The following CERS6 variants were observed in gnomAD, a reference collection of about 807,000 sequenced individuals.
CERS6 encodes LAG1 homolog, ceramide synthase 6.
CERS6 carries 26 observed loss-of-function variants against 56.8 expected under a neutral mutation model. The observed-to-expected ratio is 0.46, with a 90% CI of 0.34 to 0.63. The LOEUF (loss-of-function observed/expected upper bound fraction) is 0.63. Ranked by LOEUF, CERS6 falls within the 30% of genes least tolerant of loss-of-function variation. The pLI, the probability that CERS6 is intolerant of heterozygous loss-of-function variation, is 0.01. For missense variants in CERS6, 415 were observed against 467.5 expected (o/e 0.89, Z 1.04); for synonymous variants, 164 against 173.3 (o/e 0.95, Z 0.42).
At chr2:168,669,829 T>C (rs113793809) in intron 4 of CERS6, among the ~76,000 whole-genome samples, 1,545 of 152,310 alleles carry the variant, frequency 0.01, 8 homozygotes, top group Non-Finnish European at 0.018. Flanking sequence ...TATCTTAACA[T>C]ACACGACTGT....
intron 4 of CERS6, among the ~76,000 whole-genome samples, chr2:168,637,655 A>C: frequency 6.6e-6 from 1 of 152,200 alleles, no homozygotes; most frequent in East Asian, 1.9e-4. Context: ...TCATATTAGA[A>C]GAATATTTTA....
intron 7 of CERS6, among the ~76,000 whole-genome samples, chr2:168,717,555 A>C (rs920241764): frequency 6.6e-6 from 1 of 152,200 alleles, no homozygotes; most frequent in African/African-American, 2.4e-5. Context: ...CTATGATGCA[A>C]GAATCTCTTA....
intron 4 of CERS6, among the ~76,000 whole-genome samples, chr2:168,642,499 T>A (rs1685073893): frequency 6.6e-6 from 1 of 152,216 alleles, no homozygotes. Context: ...CTGTGGTGGC[T>A]GATATCCAGG....
intron 3 of CERS6, among the ~76,000 whole-genome samples, chr2:168,585,895 A>G (rs1287764958): frequency 6.6e-6 from 1 of 152,190 alleles, no homozygotes; most frequent in Admixed American, 6.5e-5. Context: ...CAAATGTTGC[A>G]CAACTAGGGA....
At chr2:168,697,799 C>G (rs1290205266) in intron 6 of CERS6, among the ~76,000 whole-genome samples, 1 of 152,136 alleles carries the variant, frequency 6.6e-6, no homozygotes, top group Non-Finnish European at 1.5e-5. Flanking sequence ...ACTAGAGGTG[C>G]CATCCAGAGT....
chr2:168,497,456 T>C (rs1033434434), intron 1 of CERS6, among the ~76,000 whole-genome samples: 2 of 152,120 alleles, frequency 1.3e-5, no homozygotes, highest in East Asian at 3.9e-4. Flanking sequence ...AGTACTTGTA[T>C]GTACAGAGGA....
chr2:168,746,814 TATATATAA>T (rs1359795101), intron 8 of CERS6, among the ~76,000 whole-genome samples: 1,392 of 116,616 alleles, frequency 0.012, 36 homozygotes, highest in Admixed American at 0.019. Context: ...TATATATATA[TATATATAA>T]AATCATCTTT....
intron 8 of CERS6, among the ~76,000 whole-genome samples, chr2:168,731,802 A>G (rs779806012): frequency 1.3e-5 from 2 of 152,028 alleles, no homozygotes; most frequent in African/African-American, 2.4e-5. Context: ...TTCATAACAA[A>G]CTCCTTGTCT....
At chr2:168,746,822 A>AT (rs1559078628) in intron 8 of CERS6, among the ~76,000 whole-genome samples, 505 of 34,032 alleles carry the variant, frequency 0.015, 8 homozygotes, top group Non-Finnish European at 0.021. Flanking sequence ...TATATATATA[A>AT]AATCATCTTT....
intron 4 of CERS6, among the ~76,000 whole-genome samples, chr2:168,677,340 G>A (rs1269444439): frequency 6.6e-6 from 1 of 152,044 alleles, no homozygotes; most frequent in African/African-American, 2.4e-5. Flanking sequence ...CCCTGCAAAG[G>A]ACATGAACTC....
At chr2:168,488,359 A>G (rs1448842933) in intron 1 of CERS6, among the ~76,000 whole-genome samples, 2 of 152,328 alleles carry the variant, frequency 1.3e-5, no homozygotes, top group South Asian at 2.1e-4. Context: ...TGAAATTAAT[A>G]TAGCCAATCT....
At chr2:168,730,070 T>C (rs1044863416) in intron 8 of CERS6, among the ~76,000 whole-genome samples, 4 of 152,198 alleles carry the variant, frequency 2.6e-5, no homozygotes, top group African/African-American at 7.2e-5. Flanking sequence ...TTGCAGCCCA[T>C]GTGCGTCTTT....
chr2:168,684,586 TAAC>T (rs577525617), intron 4 of CERS6, among the ~76,000 whole-genome samples: 213 of 152,280 alleles, frequency 1.4e-3, no homozygotes, highest in African/African-American at 4.2e-3. Context: ...AATATTTAGG[TAAC>T]AAATTAATAT....
intron 1 of CERS6, among the ~76,000 whole-genome samples, chr2:168,500,638 G>C (rs1694562966): frequency 6.6e-6 from 1 of 152,142 alleles, no homozygotes; most frequent in South Asian, 2.1e-4. Flanking sequence ...AGCAAAGGAA[G>C]AAAGGGAAAC....
chr2:168,731,630 G>C (rs552889515), intron 8 of CERS6, among the ~76,000 whole-genome samples: 3 of 152,098 alleles, frequency 2.0e-5, no homozygotes, highest in Non-Finnish European at 2.9e-5. Context: ...GAAGTAGCAG[G>C]GGGTGGGGAA....
In CERS6 at chr2:168,631,005, T is replaced by C; in HGVS notation, c.428T>C (p.Leu143Pro). ...CESMWRFSFY[L>P]YVFTYGVRFL... ...TACAGGTGGAGATTTTCATTTTACCTTTATGTATTTACCTACGGAGTCAGA... is the reference window on the plus strand; with the variant it reads ...TACAGGTGGAGATTTTCATTTTACCCTTATGTATTTACCTACGGAGTCAGA... Residue 143 changes from leucine to proline, a missense_variant, in exon 4 of 10, where the codon CTT becomes CCT. Leu to Pro is a moderately conservative substitution (Grantham distance 98). Coordinates refer to ENST00000305747, the MANE Select transcript of CERS6 (RefSeq NM_203463.3). The C allele has an allele frequency of 6.5e-7, 1 of 1,533,566 alleles. No homozygotes were observed. Among genetic ancestry groups the C allele is most frequent in the South Asian group, 1.2e-5 (1 of 83,634 alleles). 95.0% of individuals were successfully genotyped at this position (1,533,566 alleles called of 1,614,324 possible).
intron 3 of CERS6, among the ~76,000 whole-genome samples, chr2:168,611,624 G>C (rs2105274049): frequency 6.6e-6 from 1 of 152,312 alleles, no homozygotes; most frequent in Admixed American, 6.5e-5. Context: ...ATTCACTGCT[G>C]TACTTTTCAC....
At chr2:168,703,564 C>G (rs1032909719) in intron 6 of CERS6, among the ~76,000 whole-genome samples, 1 of 151,942 alleles carries the variant, frequency 6.6e-6, no homozygotes, top group Non-Finnish European at 1.5e-5. Context: ...TCTCAAAAAA[C>G]AAACAAACAA....
At chr2:168,567,061 G>GTAAA (rs1296066024) in intron 3 of CERS6, among the ~76,000 whole-genome samples, 6 of 152,190 alleles carry the variant, frequency 3.9e-5, no homozygotes, top group Non-Finnish European at 8.8e-5. Flanking sequence ...TCAGCAATGT[G>GTAAA]TAAATGCTGA....
Sources: allele counts gnomAD v4.1 joint callset (sites outside exome capture counted in the v4.1 genomes callset), GRCh38; gene constraint gnomAD v4.1.1; transcripts MANE v1.5; gene names NCBI Gene and HGNC (gene_info 2026-07-23, HGNC 2026-07-21).